Variants in LRP1B observed in about 807,000 individuals in gnomAD.
The protein encoded by LRP1B is low-density lipoprotein receptor-related protein 1B.
A neutral mutation model predicts 556.6 loss-of-function variants in LRP1B; 217 were observed. The observed-to-expected ratio is 0.39, with a 90% CI of 0.35 to 0.44. LRP1B has a LOEUF of 0.44. Among genes scored for constraint, LRP1B ranks in the 20% least tolerant of loss-of-function variants. The pLI, the probability that LRP1B is intolerant of heterozygous loss-of-function variation, is 1.00. For missense variants in LRP1B, 5,053 were observed against 5,620.8 expected (o/e 0.90, Z 3.23); for synonymous variants, 2,047 against 1,865.8 (o/e 1.10, Z -2.50).
intron 1 of LRP1B, among the ~76,000 whole-genome samples, chr2:142,065,078 C>T (rs887070689): frequency 1.3e-5 from 2 of 151,476 alleles, no homozygotes; most frequent in Non-Finnish European, 3.0e-5. Flanking sequence ...TTGTTGAAAG[C>T]CATGTCTGTG....
chr2:140,589,383 T>C (rs1230105980), intron 43 of LRP1B, among the ~76,000 whole-genome samples: 1 of 151,782 alleles, frequency 6.6e-6, no homozygotes, highest in Non-Finnish European at 1.5e-5. Flanking sequence ...AAGCAGTTTG[T>C]CAGTTTCTTA....
At chr2:141,253,211 A>C (rs762918659) in intron 4 of LRP1B, among the ~76,000 whole-genome samples, 6 of 152,120 alleles carry the variant, frequency 3.9e-5, no homozygotes, top group African/African-American at 1.4e-4. Context: ...CACCATTTTT[A>C]TCTGGCTGAT....
At chr2:140,892,818 A>G in intron 23 of LRP1B, among the ~76,000 whole-genome samples, 1 of 152,174 alleles carries the variant, frequency 6.6e-6, no homozygotes, top group Non-Finnish European at 1.5e-5. Flanking sequence ...CTACGACACT[A>G]TCTAGTGATT....
chr2:140,440,366 A>T (rs1012580430), intron 66 of LRP1B, among the ~76,000 whole-genome samples: 1 of 152,156 alleles, frequency 6.6e-6, no homozygotes, highest in African/African-American at 2.4e-5. Context: ...TGAAATAGTG[A>T]AACACACCCA....
chr2:141,897,189 T>G (rs528435779), intron 1 of LRP1B, among the ~76,000 whole-genome samples: 63 of 152,162 alleles, frequency 4.1e-4, no homozygotes, highest in African/African-American at 1.5e-3. Context: ...TAGCTGTCTA[T>G]TCTCACCAAA....
intron 1 of LRP1B, among the ~76,000 whole-genome samples, chr2:141,935,262 A>C (rs1225260574): frequency 6.6e-6 from 1 of 152,226 alleles, no homozygotes; most frequent in Non-Finnish European, 1.5e-5. Context: ...ACCAATAAGC[A>C]TTGAAAATAA....
intron 2 of LRP1B, among the ~76,000 whole-genome samples, chr2:141,494,843 C>T (rs1187243683): frequency 6.7e-6 from 1 of 149,968 alleles, no homozygotes; most frequent in Admixed American, 6.7e-5. Context: ...CACACAAACA[C>T]ACACACACAC....
intron 9 of LRP1B, 30 bp downstream of exon 9, chr2:141,058,853 G>A (rs1211618385): frequency 1.3e-6 from 2 of 1,537,180 alleles, no homozygotes; most frequent in Non-Finnish European, 1.8e-6. Flanking sequence ...TCTACCATTA[G>A]GAAGGTAATA....
At chr2:141,817,326 A>AT (rs1258687710) in intron 1 of LRP1B, among the ~76,000 whole-genome samples, 1 of 152,134 alleles carries the variant, frequency 6.6e-6, no homozygotes, top group East Asian at 1.9e-4. Context: ...TACCATGTAT[A>AT]TCTTTTTATA....
chr2:141,166,757 T>C (rs1174133131), intron 7 of LRP1B, among the ~76,000 whole-genome samples: 1 of 152,006 alleles, frequency 6.6e-6, no homozygotes, highest in Admixed American at 6.6e-5. Flanking sequence ...GCAGTTGTCT[T>C]CATCTATGAA....
chr2:141,046,498 T>C (rs1698873513), intron 11 of LRP1B, among the ~76,000 whole-genome samples: 1 of 152,160 alleles, frequency 6.6e-6, no homozygotes, highest in Non-Finnish European at 1.5e-5. Flanking sequence ...TATTAAGCTG[T>C]TCCTTGTGTA....
At chr2:141,385,761 C>G (rs528422647) in intron 3 of LRP1B, among the ~76,000 whole-genome samples, 32 of 152,282 alleles carry the variant, frequency 2.1e-4, no homozygotes, top group African/African-American at 7.5e-4. Context: ...ATACAGTGTA[C>G]AGAAACCTTT....
intron 1 of LRP1B, among the ~76,000 whole-genome samples, chr2:141,897,138 C>G (rs1699477832): frequency 6.6e-6 from 1 of 152,076 alleles, no homozygotes. Context: ...TCTTAGTCCT[C>G]TGAGTTTAGG....
intron 1 of LRP1B, among the ~76,000 whole-genome samples, chr2:142,064,337 G>GCT (rs991797803): frequency 1.3e-5 from 2 of 151,492 alleles, no homozygotes; most frequent in Non-Finnish European, 3.0e-5. Flanking sequence ...CAAGTATGGT[G>GCT]CTCTATCTTC....
chr2:141,037,478 T>C (rs1363542959), intron 11 of LRP1B, among the ~76,000 whole-genome samples: 1 of 152,158 alleles, frequency 6.6e-6, no homozygotes, highest in African/African-American at 2.4e-5. Flanking sequence ...TGATTTTTTT[T>C]CCATGCATGA....
intron 7 of LRP1B, among the ~76,000 whole-genome samples, chr2:141,115,443 T>C (rs1456037619): frequency 7.3e-6 from 1 of 137,176 alleles, no homozygotes; most frequent in African/African-American, 2.7e-5. Flanking sequence ...GCAAAATGAA[T>C]AGGTTTTTGT....
At chr2:140,874,972 C>T (rs996588092) in intron 25 of LRP1B, among the ~76,000 whole-genome samples, 1 of 151,168 alleles carries the variant, frequency 6.6e-6, no homozygotes, top group African/African-American at 2.4e-5. Context: ...GAGCTGAGAT[C>T]GTGCCATTGC....
intron 2 of LRP1B, among the ~76,000 whole-genome samples, chr2:141,611,668 G>A (rs370197565): frequency 6.6e-6 from 1 of 152,198 alleles, no homozygotes; most frequent in East Asian, 1.9e-4. Flanking sequence ...GTGAATTAAT[G>A]TTGTTATCTT....
chr2:141,514,093 TGACAACCTTACCTATGGGACAGCTATA>T (rs1684223407), intron 2 of LRP1B, among the ~76,000 whole-genome samples: 1 of 152,170 alleles, frequency 6.6e-6, no homozygotes, highest in Non-Finnish European at 1.5e-5. Flanking sequence ...TGCCCCCTGG[TGACAACCTTACCTATGGGACAGCTATA>T]TATAACCTAC....
Sources: gnomAD v4.1 joint callset for allele counts (sites outside exome capture counted in the v4.1 genomes callset) on GRCh38, gnomAD v4.1.1 for gene constraint, MANE v1.5 for transcripts, NCBI Gene and HGNC (gene_info 2026-07-23, HGNC 2026-07-21) for gene names.